Variants in KAZN observed in about 807,000 individuals in gnomAD.
KAZN encodes kazrin, periplakin interacting protein.
A neutral mutation model predicts 87.4 loss-of-function variants in KAZN; 40 were observed. The ratio of observed to expected loss-of-function variants is 0.46; its 90% CI spans 0.36 to 0.60. KAZN has a LOEUF of 0.60. Among genes scored for constraint, KAZN ranks in the 20% least tolerant of loss-of-function variants. KAZN has a pLI of 0.00. For synonymous variants in KAZN, 466 were observed against 458.3 expected, an observed-to-expected ratio of 1.02 and a Z score of -0.22; for missense variants, 898 against 1,073.9, an observed-to-expected ratio of 0.84 and a Z score of 2.29.
chr1:14,419,139 T>G (rs750757942), intron 2 of KAZN, among the ~76,000 whole-genome samples: 1 of 152,206 alleles, frequency 6.6e-6, no homozygotes, highest in Non-Finnish European at 1.5e-5. Context: ...ACAAAGGAAC[T>G]TCTATGCCAG....
At chr1:14,655,106 C>T (rs1423617902) in intron 1 of KAZN, among the ~76,000 whole-genome samples, 1 of 152,188 alleles carries the variant, frequency 6.6e-6, no homozygotes, top group East Asian at 1.9e-4. Context: ...TTTATGTGTT[C>T]CGTGGTGCTG....
Position 14,994,100 on chromosome 1 carries a change from G to C in KAZN, c.418+33225G>C, listed in dbSNP as rs929943556. 9.2e-5 allele frequency among the ~76,000 whole-genome samples: 14 copies of C among 152,344 alleles called. 1 individual carries two copies. The highest frequency in any genetic ancestry group is 6.5e-4 in the Admixed American group (10 of 15,300). On this transcript the variant is annotated intron_variant, in intron 2 of 14. Coordinates refer to ENST00000376030, the MANE Select transcript of KAZN (RefSeq NM_201628.3). Reference sequence around the variant, plus strand: ...CCTGGGCCCCCAGGCCATGGAAGCAGGTCCCCTCTGCAAGCCATCCTCAGA... The same window carrying C: ...CCTGGGCCCCCAGGCCATGGAAGCACGTCCCCTCTGCAAGCCATCCTCAGA...
chr1:14,061,668 G>A (rs7527640), intron 1 of KAZN, among the ~76,000 whole-genome samples: 8,053 of 152,240 alleles, frequency 0.053, 572 homozygotes, highest in African/African-American at 0.16. Flanking sequence ...ATTCCACAGT[G>A]GCAGGAACTT....
chr1:15,060,680 C>G (rs1241898387), intron 6 of KAZN: 2 of 223,428 alleles, frequency 9.0e-6, no homozygotes, highest in Non-Finnish European at 1.8e-5. Context: ...AGAGCCAGCT[C>G]TCTATCCTGA....
intron 1 of KAZN, among the ~76,000 whole-genome samples, chr1:13,931,226 AAC>A (rs1640496595): frequency 6.6e-6 from 1 of 152,256 alleles, no homozygotes; most frequent in Non-Finnish European, 1.5e-5. Context: ...GCAAAATAAA[AAC>A]AGTCACACTA....
intron 2 of KAZN, among the ~76,000 whole-genome samples, chr1:14,266,400 C>T (rs2100666688): frequency 6.6e-6 from 1 of 152,318 alleles, no homozygotes; most frequent in Middle Eastern, 3.4e-3. Context: ...CCTCATTAAA[C>T]ATTGATGATG....
At chr1:14,577,487 G>A (rs1430324030) in intron 2 of KAZN, among the ~76,000 whole-genome samples, 2 of 152,178 alleles carry the variant, frequency 1.3e-5, no homozygotes, top group African/African-American at 4.8e-5. Flanking sequence ...GAGGGGAGGT[G>A]AGAAGTAGCT....
At chr1:13,966,096 C>T (rs867672196) in intron 1 of KAZN, among the ~76,000 whole-genome samples, 2 of 152,186 alleles carry the variant, frequency 1.3e-5, no homozygotes, top group South Asian at 4.2e-4. Flanking sequence ...CCTGAGCTCT[C>T]CTAAGCCTTT....
intron 2 of KAZN, among the ~76,000 whole-genome samples, chr1:14,203,652 C>T (rs1282880194): frequency 1.3e-5 from 2 of 152,282 alleles, no homozygotes; most frequent in East Asian, 3.9e-4. Flanking sequence ...AGGTGGCCTT[C>T]ACTAAAAACA....
In KAZN at chr1:14,589,269, T is replaced by C. The variant is rs143014554; in HGVS notation, c.250-9714T>C. Among the ~76,000 whole-genome samples the C allele has an allele frequency of 5.5e-3, 828 of 151,292 alleles. 5 individuals are homozygous for C. Among genetic ancestry groups the C allele is most frequent in the African/African-American group, 0.019 (779 of 41,224 alleles). On this transcript the variant is annotated intron_variant, in intron 2 of 16. Coordinates refer to the KAZN transcript ENST00000636203. ...TGCAGAGACACCTAATAATGTGGCC[T>C]TGGAGTTCCAAATATGATATCGTAA...
chr1:14,592,492 C>A (rs185917630), intron 2 of KAZN, among the ~76,000 whole-genome samples: 1 of 152,360 alleles, frequency 6.6e-6, no homozygotes, highest in African/African-American at 2.4e-5. Flanking sequence ...GGGCACCACA[C>A]CAGGGATTCT....
chr1:14,097,686 T>C lies in KAZN; in HGVS notation c.92-82749T>C, dbSNP rs886858909. On this transcript the variant is annotated intron_variant, in intron 1 of 16. Transcript: ENST00000636203. ...AATATCTGGTTTGTTCTTTATCTTG[T>C]GAATTGAACCTGTTATAGAATACTT... is the stretch of plus-strand genomic sequence containing the variant. Among the ~76,000 whole-genome samples, 3 of 152,214 alleles carry C rather than the reference T, an allele frequency of 2.0e-5. No individual in the cohort carries two copies. The South Asian group carries it at 6.2e-4, about 32-fold the overall frequency.
Position 14,734,308 on chromosome 1 carries a change from CTTTT to C in KAZN, c.226+135100_226+135103del, listed in dbSNP as rs57677032. Among the ~76,000 whole-genome samples, 30 of 118,110 alleles carry C rather than the reference CTTTT, an allele frequency of 2.5e-4. 1 individual carries two copies. The highest frequency in any genetic ancestry group is 3.8e-4 in the African/African-American group (12 of 31,264). 77.5% of individuals were successfully genotyped at this position (118,110 alleles called of 152,430 possible). On this transcript the variant is annotated intron_variant, in intron 1 of 14. Transcript: ENST00000376030. The stretch of plus-strand genomic sequence containing the variant: ...AGTCTGTGTTTTTCTTTTTTCTTTT[CTTTT>C]TTTTTTTTTTTTTTGAGACAGAGTT...
intron 2 of KAZN, among the ~76,000 whole-genome samples, chr1:14,504,828 G>A (rs1670464150): frequency 6.6e-6 from 1 of 152,186 alleles, no homozygotes; most frequent in African/African-American, 2.4e-5. Flanking sequence ...ATGTTCAGGT[G>A]GAGGCCAACA....
chr1:14,984,776 C>CCCTGGCTGAAAGGTCTTCAG (rs1553167282), intron 2 of KAZN, among the ~76,000 whole-genome samples: 2 of 152,202 alleles, frequency 1.3e-5, no homozygotes, highest in East Asian at 3.9e-4. Context: ...GTCCAAAAGA[C>CCCTGGCTGAAAGGTCTTCAG]CCAGGCACTG....
At chr1:15,039,660 A>C (rs780456245) in intron 3 of KAZN, among the ~76,000 whole-genome samples, 1 of 152,254 alleles carries the variant, frequency 6.6e-6, no homozygotes, top group Non-Finnish European at 1.5e-5. Flanking sequence ...CATGGAATGT[A>C]TAGTTATCAG....
chr1:13,923,649 G>A (rs1033774498), intron 1 of KAZN, among the ~76,000 whole-genome samples: 2 of 151,204 alleles, frequency 1.3e-5, no homozygotes, highest in Admixed American at 6.6e-5. Flanking sequence ...CATCCTTGTC[G>A]CCTTCATGCT....
At chr1:13,987,926 G>A (rs965345009) in intron 1 of KAZN, among the ~76,000 whole-genome samples, 46 of 152,282 alleles carry the variant, frequency 3.0e-4, no homozygotes, top group Admixed American at 1.3e-3. Flanking sequence ...GGCATCTGTT[G>A]AGAACCTTTG....
intron 2 of KAZN, among the ~76,000 whole-genome samples, chr1:14,568,282 C>A (rs966029811): frequency 9.2e-5 from 14 of 152,150 alleles, no homozygotes; most frequent in Non-Finnish European, 2.1e-4. Context: ...GACAAAGATT[C>A]AAATTCTGCC....
Sources: gnomAD v4.1 joint callset for allele counts (sites outside exome capture counted in the v4.1 genomes callset) on GRCh38, gnomAD v4.1.1 for gene constraint, MANE v1.5 for transcripts, NCBI Gene and HGNC (gene_info 2026-07-23, HGNC 2026-07-21) for gene names.